Variants in CSMD3 observed in about 807,000 individuals in gnomAD.
CSMD3 encodes the protein CUB and sushi domain-containing protein 3.
In CSMD3, 177 loss-of-function variants were observed where a neutral mutation model predicts 435.2. The observed-to-expected ratio is 0.41, with a 90% CI of 0.36 to 0.46. The LOEUF (loss-of-function observed/expected upper bound fraction) is 0.46, where lower values mean the gene tolerates loss of function less well. Among genes scored for constraint, CSMD3 ranks in the 20% least tolerant of loss-of-function variants. The pLI is 0.34. For missense variants in CSMD3, 4,265 were observed against 4,504.6 expected, an observed-to-expected ratio of 0.95 and a Z score of 1.52; for synonymous variants, 1,656 against 1,520.5, an observed-to-expected ratio of 1.09 and a Z score of -2.07.
intron 63 of CSMD3, among the ~76,000 whole-genome samples, chr8:112,251,285 A>T (rs1460653336): frequency 6.6e-6 from 1 of 151,718 alleles, no homozygotes; most frequent in African/African-American, 2.4e-5. Flanking sequence ...ACTCAAGAAA[A>T]ATTGAGGTAG....
intron 11 of CSMD3, among the ~76,000 whole-genome samples, chr8:112,842,250 A>G (rs2080198514): frequency 1.3e-5 from 2 of 151,806 alleles, no homozygotes; most frequent in South Asian, 4.1e-4. Context: ...TCAGTGACGG[A>G]AAGCAAAAGC....
chr8:112,599,880 G>A (rs1409167916), intron 22 of CSMD3, among the ~76,000 whole-genome samples: 1 of 55,276 alleles, frequency 1.8e-5, no homozygotes, highest in Non-Finnish European at 3.3e-5. Flanking sequence ...GGGGTGGGGG[G>A]AGGGGGGAGG....
At chr8:112,517,004 A>G (rs2853244) in intron 28 of CSMD3, 30 bp downstream of exon 28, 111,591 of 1,535,932 alleles carry the variant, frequency 0.073, 4,763 homozygotes, top group South Asian at 0.15. Context: ...TTATGTTTAT[A>G]TAAAATTTTA....
In CSMD3 at chr8:112,818,793, T is replaced by C. The variant is rs112128020; in HGVS notation, c.1859+10893A>G. On this transcript the variant is annotated intron_variant, in intron 12 of 70. Transcript: ENST00000297405. ...CTCCCCTTTGAGACCCTGCAGTAGCTTCCAGACAACAACATGATAAATACA... is the reference window on the plus strand; with the variant it reads ...CTCCCCTTTGAGACCCTGCAGTAGCCTCCAGACAACAACATGATAAATACA... 8.0e-3 allele frequency among the ~76,000 whole-genome samples: 1,216 copies of C among 152,260 alleles called. 25 individuals carry two copies. Among genetic ancestry groups the C allele is most frequent in the African/African-American group, 0.028 (1,155 of 41,554 alleles).
At chr8:112,343,614 G>C (rs1019363086) in intron 41 of CSMD3, among the ~76,000 whole-genome samples, 14 of 152,060 alleles carry the variant, frequency 9.2e-5, no homozygotes, top group Non-Finnish European at 1.8e-4. Context: ...GACATTCTTT[G>C]CTGGACTGAC....
intron 59 of CSMD3, among the ~76,000 whole-genome samples, chr8:112,266,471 T>G (rs1157237682): frequency 6.6e-6 from 1 of 152,204 alleles, no homozygotes; most frequent in Non-Finnish European, 1.5e-5. Context: ...CCTCAGAATA[T>G]GCTGCACTGT....
intron 1 of CSMD3, among the ~76,000 whole-genome samples, chr8:113,329,658 T>C (rs530614095): frequency 2.7e-5 from 4 of 148,118 alleles, no homozygotes; most frequent in East Asian, 4.1e-4. Flanking sequence ...AAATAACATA[T>C]AGAGATCCAC....
At chr8:113,217,080 A>C (rs2092914050) in intron 3 of CSMD3, among the ~76,000 whole-genome samples, 1 of 151,862 alleles carries the variant, frequency 6.6e-6, no homozygotes, top group African/African-American at 2.4e-5. Flanking sequence ...TAGAGATCCA[A>C]GTAAGAACAA....
intron 34 of CSMD3, among the ~76,000 whole-genome samples, chr8:112,407,151 T>G (rs1831932545): frequency 1.3e-5 from 2 of 151,822 alleles, no homozygotes; most frequent in South Asian, 4.2e-4. Flanking sequence ...GGTTCTTAAT[T>G]AAAAACAGAT....
intron 66 of CSMD3, 108 bp from the exon 67 acceptor site, chr8:112,237,456 T>C (rs1813694901): frequency 3.7e-6 from 3 of 802,892 alleles, no homozygotes; most frequent in Non-Finnish European, 6.3e-6. Flanking sequence ...TAATACACAA[T>C]AATGTTGAAT....
At chr8:112,746,073 T>C (rs1417466400) in intron 13 of CSMD3, among the ~76,000 whole-genome samples, 2 of 152,124 alleles carry the variant, frequency 1.3e-5, no homozygotes, top group Non-Finnish European at 2.9e-5. Context: ...TAAAACTGTA[T>C]TTATCAGATT....
chr8:112,870,975 C>T (rs955979264), intron 10 of CSMD3, among the ~76,000 whole-genome samples: 2 of 152,160 alleles, frequency 1.3e-5, no homozygotes, highest in Admixed American at 6.5e-5. Context: ...CACCACTCCC[C>T]AGTAATTTCG....
At chr8:112,591,287 T>C (rs1368704744) in intron 22 of CSMD3, among the ~76,000 whole-genome samples, 1 of 152,118 alleles carries the variant, frequency 6.6e-6, no homozygotes, top group Non-Finnish European at 1.5e-5. Flanking sequence ...AATGTGGCTT[T>C]AGTTGGATTG....
At chr8:113,405,542 G>C (rs2094528869) in intron 1 of CSMD3, among the ~76,000 whole-genome samples, 1 of 151,638 alleles carries the variant, frequency 6.6e-6, no homozygotes, top group Admixed American at 6.6e-5. Context: ...ACAAATTATA[G>C]TAATGAGAGG....
chr8:113,032,241 T>C (rs1341372581), intron 5 of CSMD3, among the ~76,000 whole-genome samples: 7 of 151,550 alleles, frequency 4.6e-5, no homozygotes, highest in African/African-American at 1.7e-4. Flanking sequence ...TGGAAGAGTT[T>C]GGAGGGTTCA....
intron 23 of CSMD3, among the ~76,000 whole-genome samples, chr8:112,575,689 A>G (rs1298251948): frequency 6.6e-6 from 1 of 152,134 alleles, no homozygotes; most frequent in African/African-American, 2.4e-5. Context: ...TCAGGCATGC[A>G]TGATTTTTGT....
At chr8:112,917,903 A>T (rs1010589233) in intron 10 of CSMD3, among the ~76,000 whole-genome samples, 1 of 151,932 alleles carries the variant, frequency 6.6e-6, no homozygotes, top group Non-Finnish European at 1.5e-5. Flanking sequence ...CATTCTCTAC[A>T]TTTGAAATGA....
intron 32 of CSMD3, among the ~76,000 whole-genome samples, chr8:112,450,336 T>C (rs1279930360): frequency 6.6e-6 from 1 of 152,210 alleles, no homozygotes; most frequent in Non-Finnish European, 1.5e-5. Flanking sequence ...TTGTAATTAA[T>C]ATACAGAATG....
chr8:113,401,264 G>T (rs943808033), intron 1 of CSMD3, among the ~76,000 whole-genome samples: 1 of 151,444 alleles, frequency 6.6e-6, no homozygotes, highest in East Asian at 1.9e-4. Context: ...TATAATACAT[G>T]GTTAACAATT....
Sources: allele counts gnomAD v4.1 joint callset (sites outside exome capture counted in the v4.1 genomes callset), GRCh38; gene constraint gnomAD v4.1.1; transcripts MANE v1.5; gene names NCBI Gene and HGNC (gene_info 2026-07-23, HGNC 2026-07-21).